MTHFD2L: variants seen among roughly 807,000 people sequenced by gnomAD.
MTHFD2L encodes the protein bifunctional methylenetetrahydrofolate dehydrogenase/cyclohydrolase 2, mitochondrial.
MTHFD2L carries 29 observed loss-of-function variants against 34.9 expected under a neutral mutation model. The ratio of observed to expected loss-of-function variants is 0.83; its 90% confidence interval spans 0.62 to 1.13. The LOEUF (loss-of-function observed/expected upper bound fraction) is 1.13, where lower values mean the gene tolerates loss of function less well. Among genes scored for constraint, MTHFD2L ranks in the 50% most tolerant of loss-of-function variants. The pLI, the probability that MTHFD2L is intolerant of heterozygous loss-of-function variation, is 0.00. For synonymous variants in MTHFD2L, 167 were observed against 155.7 expected (o/e 1.07, Z -0.54); for missense variants, 481 against 446.5 (o/e 1.08, Z -0.70).
chr4:74,211,102 T>G (rs1436970778), intron 5 of MTHFD2L, among the ~76,000 whole-genome samples: 2 of 152,224 alleles, frequency 1.3e-5, no homozygotes, highest in East Asian at 3.8e-4. Flanking sequence ...CAGGGTTTTC[T>G]AAATATACAA....
intron 6 of MTHFD2L, among the ~76,000 whole-genome samples, chr4:74,244,728 T>C (rs1269944324): frequency 1.3e-5 from 2 of 152,320 alleles, no homozygotes; most frequent in African/African-American, 2.4e-5. Context: ...ACAGAGTTCA[T>C]TGAAGTGGCT....
chr4:74,222,026 T>TA (rs1000753666), intron 5 of MTHFD2L, among the ~76,000 whole-genome samples: 4 of 151,650 alleles, frequency 2.6e-5, no homozygotes, highest in African/African-American at 9.7e-5. Context: ...AAAATATATA[T>TA]TTTTTTATTT....
intron 1 of MTHFD2L, among the ~76,000 whole-genome samples, chr4:74,172,119 A>G (rs1728130976): frequency 6.6e-6 from 1 of 152,208 alleles, no homozygotes; most frequent in Admixed American, 6.5e-5. Context: ...AATACAAACC[A>G]ATATATACTG....
chr4:74,233,068 T>G, intron 6 of MTHFD2L, among the ~76,000 whole-genome samples: 1 of 152,214 alleles, frequency 6.6e-6, no homozygotes, highest in East Asian at 1.9e-4. Context: ...AATGAACATT[T>G]AAGCTTGGTG....
chr4:74,118,465 A>G (rs1721693250), upstream of MTHFD2L, among the ~76,000 whole-genome samples: 1 of 152,250 alleles, frequency 6.6e-6, no homozygotes. Flanking sequence ...TTCATTAAGT[A>G]TTATGGACTG....
chr4:74,268,868 T>C (rs1745622629), intron 6 of MTHFD2L, among the ~76,000 whole-genome samples: 1 of 152,200 alleles, frequency 6.6e-6, no homozygotes, highest in Non-Finnish European at 1.5e-5. Context: ...GCTCCTAGGG[T>C]GTAGACTAGT....
upstream of MTHFD2L, among the ~76,000 whole-genome samples, chr4:74,122,654 T>A (rs1486562313): frequency 6.6e-6 from 1 of 152,132 alleles, no homozygotes; most frequent in African/African-American, 2.4e-5. Flanking sequence ...AAATTCAAAT[T>A]GAGGAATTGT....
In MTHFD2L at chr4:74,175,462, T is replaced by C. The variant is rs1450634733; in HGVS notation, c.451+59T>C. ...TTAAAAGTGAAACAAAGGGCATCTT[T>C]CAACATCATATTATGATACTGCAAG... On this transcript the variant is annotated intron_variant, in intron 3 of 7. Transcript: ENST00000325278. 2.0e-6 allele frequency: 3 copies of C among 1,515,742 alleles called. No homozygotes were observed. In the African/African-American group the frequency reaches 4.2e-5, roughly 21 times the overall value. The allele number at this position is 1,515,742 out of a possible 1,614,324, so 93.9% of individuals were successfully genotyped here.
chr4:74,244,823 T>C (rs1246591), intron 6 of MTHFD2L, among the ~76,000 whole-genome samples: 1 of 151,942 alleles, frequency 6.6e-6, no homozygotes, highest in South Asian at 2.1e-4. Context: ...TCCACAATTA[T>C]CATAAAAGGC....
intron 3 of MTHFD2L, among the ~76,000 whole-genome samples, chr4:74,184,555 T>C (rs531743674): frequency 2.0e-5 from 3 of 152,132 alleles, no homozygotes; most frequent in South Asian, 4.1e-4. Context: ...GGAAAAATAA[T>C]CAAATAAAAA....
intron 6 of MTHFD2L, among the ~76,000 whole-genome samples, chr4:74,256,510 C>T (rs116388459): frequency 1.6e-3 from 240 of 152,220 alleles, no homozygotes; most frequent in African/African-American, 4.8e-3. Context: ...TTTTCTTCTA[C>T]GATTCTTATA....
chr4:74,205,799 G>C (rs893188500), intron 5 of MTHFD2L, among the ~76,000 whole-genome samples: 4 of 152,012 alleles, frequency 2.6e-5, no homozygotes, highest in African/African-American at 9.7e-5. Context: ...GATGGTTCCT[G>C]TCCTCCCAGA....
At chr4:74,213,102 G>T (rs1736621996) in intron 5 of MTHFD2L, among the ~76,000 whole-genome samples, 1 of 152,002 alleles carries the variant, frequency 6.6e-6, no homozygotes, top group Non-Finnish European at 1.5e-5. Flanking sequence ...TTGCACGTGA[G>T]ATGGGTCTCC....
intron 6 of MTHFD2L, among the ~76,000 whole-genome samples, chr4:74,251,410 T>C (rs994167058): frequency 2.6e-5 from 4 of 152,220 alleles, no homozygotes; most frequent in African/African-American, 4.8e-5. Flanking sequence ...GTGGTTGTGA[T>C]TGTACTCCAG....
At chr4:74,207,470 T>C (rs1399136673) in intron 5 of MTHFD2L, among the ~76,000 whole-genome samples, 2 of 152,194 alleles carry the variant, frequency 1.3e-5, no homozygotes, top group Non-Finnish European at 1.5e-5. Context: ...CTAGTACTTA[T>C]TATCTGGGAA....
chr4:74,286,211 T>C (rs1460119662), intron 7 of MTHFD2L, among the ~76,000 whole-genome samples: 4 of 152,338 alleles, frequency 2.6e-5, no homozygotes, highest in African/African-American at 9.6e-5. Flanking sequence ...TCCTAACTTA[T>C]GTCATTAAAA....
At chr4:74,228,292 C>A (rs1739491139) in intron 6 of MTHFD2L, among the ~76,000 whole-genome samples, 1 of 152,150 alleles carries the variant, frequency 6.6e-6, no homozygotes, top group African/African-American at 2.4e-5. Flanking sequence ...TTTAGAGACA[C>A]TTCTGTTCAC....
intron 1 of MTHFD2L, chr4:74,140,469 T>C: frequency 1.6e-6 from 1 of 642,228 alleles, no homozygotes. Context: ...ATACTCCTGT[T>C]TTTTTAGTAT....
At chr4:74,121,444 A>C (rs191599586), upstream of MTHFD2L, among the ~76,000 whole-genome samples, 4 of 151,036 alleles carry the variant, frequency 2.6e-5, no homozygotes, top group Non-Finnish European at 4.4e-5. Context: ...CAGCAACCAC[A>C]ATGAGATTAT....
Sources: gnomAD v4.1 joint callset for allele counts (sites outside exome capture counted in the v4.1 genomes callset) on GRCh38, gnomAD v4.1.1 for gene constraint, MANE v1.5 for transcripts, NCBI Gene and HGNC (gene_info 2026-07-23, HGNC 2026-07-21) for gene names.